Variants in EIF3L observed in about 807,000 individuals in gnomAD.
EIF3L encodes the protein eIEF associated protein HSPC021.
EIF3L carries 32 observed loss-of-function variants against 74.6 expected under a neutral mutation model. The observed-to-expected ratio is 0.43, with a 90% CI of 0.32 to 0.58. EIF3L has a LOEUF of 0.58. Ranked by LOEUF, EIF3L falls within the 20% of genes least tolerant of loss-of-function variation. The pLI is 0.06. For synonymous variants in EIF3L, 256 were observed against 254.4 expected, an observed-to-expected ratio of 1.01 and a Z score of -0.06; for missense variants, 474 against 707.8, an observed-to-expected ratio of 0.67 and a Z score of 3.75.
At chr22:37,857,426 A>T (rs371543479) in intron 4 of EIF3L, among the ~76,000 whole-genome samples, 136 of 143,912 alleles carry the variant, frequency 9.5e-4, no homozygotes, top group African/African-American at 3.2e-3. Flanking sequence ...TGGACATGGG[A>T]TGTCTTTGAT....
Position 37,888,452 on chromosome 22 carries a change from A to G in EIF3L, c.1683A>G (p.Gly561=). 6.2e-7 allele frequency: 1 copy of G among 1,613,914 alleles called. No homozygotes were observed. Among genetic ancestry groups the G allele is most frequent in the East Asian group, 2.2e-5 (1 of 44,892 alleles). ...TTAATCGAACCCTGAAGAAGATGGG[A>G]CAGAGACCTTGATGATATTCACACA... ...EELNRTLKKM[G]QRP The change falls in exon 13 of 13, where the codon GGA becomes GGG. Residue 561 remains glycine, a synonymous_variant. Transcript: ENST00000652021.
intron 7 of EIF3L, among the ~76,000 whole-genome samples, chr22:37,869,778 A>G (rs1926374878): frequency 1.3e-5 from 2 of 152,154 alleles, no homozygotes; most frequent in Non-Finnish European, 2.9e-5. Flanking sequence ...CCCATAACCC[A>G]GGGCGTACCA....
chr22:37,871,872 G>A (rs9619713), intron 8 of EIF3L, among the ~76,000 whole-genome samples: 56,475 of 129,146 alleles, frequency 0.44, 15,472 homozygotes, highest in Non-Finnish European at 0.48. Flanking sequence ...CTGTCTCGGG[G>A]AAAAAAAAAA....
chr22:37,880,187 A>G (rs942809984), intron 11 of EIF3L: 5 of 151,732 alleles, frequency 3.3e-5, no homozygotes, highest in Non-Finnish European at 7.4e-5. Flanking sequence ...ATCTCAGCTC[A>G]CTGTAAGCTT....
chr22:37,859,777 G>A (rs1310527703), intron 5 of EIF3L, among the ~76,000 whole-genome samples: 1 of 151,984 alleles, frequency 6.6e-6, no homozygotes, highest in East Asian at 2.0e-4. Context: ...GAGGCTAAGG[G>A]CAGGTCACCT....
In EIF3L at chr22:37,888,230, AAAG is replaced by A. The variant is rs1247149798; in HGVS notation, c.1657-193_1657-191del. On this transcript the variant is annotated intron_variant, in intron 12 of 12. Transcript: ENST00000652021. ...GTTTGTTGAGTGTGAAGGGCAGATA[AAAG>A]AATAATCCGCGTGAACTGTGCAGGG... 3.1e-5 allele frequency: 17 copies of A among 551,668 alleles called. No homozygotes were observed. In the East Asian group the frequency reaches 5.0e-4, roughly 16 times the overall value. The allele number at this position is 551,668 out of a possible 1,614,324, so 34.2% of individuals were successfully genotyped here.
chr22:37,875,583 A>G, intron 9 of EIF3L, among the ~76,000 whole-genome samples: 1 of 152,292 alleles, frequency 6.6e-6, no homozygotes, highest in Admixed American at 6.5e-5. Flanking sequence ...CAAAACTGAG[A>G]TGTATAGCAT....
chr22:37,884,399 T>C (rs866037680), intron 11 of EIF3L: 45 of 152,336 alleles, frequency 3.0e-4, no homozygotes, highest in African/African-American at 9.1e-4. Flanking sequence ...CTAGAAGTTA[T>C]TGTGTGAACA....
chr22:37,878,217 A>ATCTT lies in EIF3L; in HGVS notation c.1575+49_1575+52dup. ...TGGGGTCTTGTATTAAGTGTTCAGT[A>ATCTT]TCTTTCATTCACTATTGTGGGCACA... On this transcript the variant is annotated intron_variant, in intron 11 of 12. Coordinates refer to ENST00000652021, the MANE Select transcript of EIF3L (RefSeq NM_016091.4). 3.3e-6 allele frequency: 5 copies of ATCTT among 1,535,500 alleles called. No individual in the cohort carries two copies. The South Asian group carries it at 6.4e-5, about 20-fold the overall frequency.
chr22:37,876,067 A>C (rs984013349), intron 10 of EIF3L, 56 bp downstream of exon 10: 2 of 1,552,866 alleles, frequency 1.3e-6, no homozygotes, highest in Non-Finnish European at 1.8e-6. Flanking sequence ...GATCCTTGGC[A>C]CCTATGCCAA....
intron 6 of EIF3L, 68 bp downstream of exon 6, chr22:37,863,106 T>G: frequency 1.1e-6 from 1 of 904,032 alleles, no homozygotes; most frequent in Non-Finnish European, 1.5e-6. Context: ...CCTCCAGCTT[T>G]TTTTTTTTTT....
At chr22:37,887,042 C>T (rs776654159) in intron 12 of EIF3L, 197 bp downstream of exon 12, 1 of 407,862 alleles carries the variant, frequency 2.5e-6, no homozygotes, top group South Asian at 1.9e-5. Flanking sequence ...GAGTCTCCCT[C>T]CTCAGCCTCC....
rs1044483746 is a variant in EIF3L, at chr22:37,889,119, G to T, written c.*655G>T. ...GGTTGGAGTGTACTGGCGCGATCTC[G>T]GCTCACTGCAAGCTCCACCTCCCAG... is the stretch of plus-strand genomic sequence containing the variant. On this transcript the variant is annotated 3_prime_UTR_variant, in exon 13 of 13. Transcript: ENST00000652021. 3 of 151,870 alleles carry T rather than the reference G, an allele frequency of 2.0e-5. No homozygotes were observed. Among genetic ancestry groups the T allele is most frequent in the African/African-American group, 7.3e-5 (3 of 41,302 alleles). The allele number at this position is 151,870 out of a possible 1,614,324, so 9.4% of individuals were successfully genotyped here. A position where few individuals can be genotyped will look rare whatever the true frequency, so the allele number is the denominator to read the frequency against.
intron 5 of EIF3L, 143 bp from the exon 6 acceptor site, chr22:37,862,826 C>T (rs980076693): frequency 1.5e-5 from 9 of 613,802 alleles, no homozygotes; most frequent in African/African-American, 1.3e-4. Context: ...TCTATCTTCC[C>T]TCTCACTTGC....
chr22:37,864,452 G>C (rs961718391), intron 7 of EIF3L, among the ~76,000 whole-genome samples: 1 of 151,914 alleles, frequency 6.6e-6, no homozygotes, highest in African/African-American at 2.4e-5. Flanking sequence ...GTTCAAGGTC[G>C]AATGAGAACT....
intron 11 of EIF3L, chr22:37,884,304 C>G (rs139850): frequency 0.41 from 62,941 of 151,968 alleles, 13,355 homozygotes; most frequent in African/African-American, 0.46. Flanking sequence ...TTTGTTGTTG[C>G]ACATTTGGGG....
At chr22:37,873,600 C>T (rs1926594507) in intron 8 of EIF3L, among the ~76,000 whole-genome samples, 1 of 152,096 alleles carries the variant, frequency 6.6e-6, no homozygotes, top group South Asian at 2.1e-4. Flanking sequence ...ACCTATGTAT[C>T]AGTTGTTTTT....
At chr22:37,857,563 G>C (rs1435216923) in intron 4 of EIF3L, among the ~76,000 whole-genome samples, 1 of 150,870 alleles carries the variant, frequency 6.6e-6, no homozygotes, top group Non-Finnish European at 1.5e-5. Context: ...CTAAGATGGA[G>C]TCACGGAGTC....
At chr22:37,872,358 A>T (rs1190562166) in intron 8 of EIF3L, among the ~76,000 whole-genome samples, 1 of 152,126 alleles carries the variant, frequency 6.6e-6, no homozygotes, top group Non-Finnish European at 1.5e-5. Flanking sequence ...TCCCGAGCTC[A>T]AGTGATCTGC....
Sources: gnomAD v4.1 joint callset for allele counts (sites outside exome capture counted in the v4.1 genomes callset) on GRCh38, gnomAD v4.1.1 for gene constraint, MANE v1.5 for transcripts, NCBI Gene and HGNC (gene_info 2026-07-23, HGNC 2026-07-21) for gene names.